Variants in LOC400499 observed in about 807,000 individuals in gnomAD.
the LOC400499 span, among the ~76,000 whole-genome samples, chr16:11,438,630 A>AAAG: frequency 7.0e-6 from 1 of 143,134 alleles, no homozygotes; most frequent in African/African-American, 2.5e-5. Flanking sequence ...AAAAAAAAAA[A>AAAG]GTACAAAAAT....
chr16:11,495,037 C>T, the LOC400499 span, among the ~76,000 whole-genome samples: 2 of 152,040 alleles, frequency 1.3e-5, no homozygotes, highest in Non-Finnish European at 2.9e-5. Flanking sequence ...GGCAAAACCC[C>T]GTCTCTACTA....
At chr16:11,481,417 G>A in the LOC400499 span, among the ~76,000 whole-genome samples, 1 of 152,152 alleles carries the variant, frequency 6.6e-6, no homozygotes, top group South Asian at 2.1e-4. Context: ...CTGCCTCTTG[G>A]GTTAAAGCGA....
chr16:11,412,594 T>G, the LOC400499 span, among the ~76,000 whole-genome samples: 1 of 152,220 alleles, frequency 6.6e-6, no homozygotes, highest in Non-Finnish European at 1.5e-5. Context: ...AATAAGTGTT[T>G]GGGGCCTTGG....
At chr16:11,466,804 T>A in the LOC400499 span, among the ~76,000 whole-genome samples, 10 of 152,342 alleles carry the variant, frequency 6.6e-5, no homozygotes, top group African/African-American at 2.4e-4. Context: ...TATTTAATTG[T>A]AGAATTTAAT....
chr16:11,478,639 C>G, the LOC400499 span: 2 of 399,080 alleles, frequency 5.0e-6, no homozygotes, highest in Admixed American at 4.4e-5. Flanking sequence ...CAACTTCACG[C>G]TCAGCTCGCA....
chr16:11,437,959 C>T, the LOC400499 span, among the ~76,000 whole-genome samples: 4 of 151,884 alleles, frequency 2.6e-5, no homozygotes, highest in Admixed American at 1.3e-4. Context: ...CCGATGAGTT[C>T]GGGGGATCGA....
chr16:11,455,359 T>A, the LOC400499 span, among the ~76,000 whole-genome samples: 1 of 152,192 alleles, frequency 6.6e-6, no homozygotes, highest in African/African-American at 2.4e-5. Context: ...AATAACAGCA[T>A]GATTATATTA....
the LOC400499 span, chr16:11,521,929 C>T: frequency 2.5e-6 from 1 of 399,046 alleles, no homozygotes; most frequent in Admixed American, 4.4e-5. Context: ...AACGTGATCT[C>T]CCGGTTGCCC....
chr16:11,407,219 A>C, the LOC400499 span: 1 of 398,860 alleles, frequency 2.5e-6, no homozygotes, highest in African/African-American at 2.1e-5. Flanking sequence ...GGTCTGTTCC[A>C]GTTTGATGAA....
the LOC400499 span, among the ~76,000 whole-genome samples, chr16:11,388,758 C>A: frequency 6.6e-6 from 1 of 152,244 alleles, no homozygotes. Context: ...GTCACATCCA[C>A]TCTCCCTTGC....
chr16:11,454,754 A>C, the LOC400499 span, among the ~76,000 whole-genome samples: 1 of 152,128 alleles, frequency 6.6e-6, no homozygotes, highest in Non-Finnish European at 1.5e-5. Context: ...AAATGAATAC[A>C]CCTCCAATGT....
At chr16:11,466,458 G>A in the LOC400499 span, among the ~76,000 whole-genome samples, 1 of 151,922 alleles carries the variant, frequency 6.6e-6, no homozygotes, top group African/African-American at 2.4e-5. Flanking sequence ...CGTGATCTTG[G>A]TTCACTGCAA....
the LOC400499 span, among the ~76,000 whole-genome samples, chr16:11,498,902 G>A: frequency 6.6e-6 from 1 of 150,406 alleles, no homozygotes; most frequent in Non-Finnish European, 1.5e-5. Context: ...GTCCAGACGG[G>A]GAAAATTGAG....
chr16:11,403,945 G>A, the LOC400499 span, among the ~76,000 whole-genome samples: 1 of 152,180 alleles, frequency 6.6e-6, no homozygotes, highest in African/African-American at 2.4e-5. Flanking sequence ...TGCATGACCT[G>A]GGTCCCCCAG....
chr16:11,384,511 G>A, the LOC400499 span, among the ~76,000 whole-genome samples: 1 of 152,194 alleles, frequency 6.6e-6, no homozygotes, highest in East Asian at 1.9e-4. Context: ...ATCAGAGGAG[G>A]AAGAGAAAGC....
At chr16:11,409,617 TAAAAC>T in the LOC400499 span, among the ~76,000 whole-genome samples, 3 of 152,180 alleles carry the variant, frequency 2.0e-5, 1 homozygote, top group East Asian at 5.8e-4. Context: ...ATCCCGGATT[TAAAAC>T]AAAACAAAAC....
chr16:11,405,722 T>A, the LOC400499 span, among the ~76,000 whole-genome samples: 1 of 152,166 alleles, frequency 6.6e-6, no homozygotes, highest in East Asian at 1.9e-4. Flanking sequence ...CTGCCCATTA[T>A]GGGGCTTCCT....
At chr16:11,405,865 G>A in the LOC400499 span, among the ~76,000 whole-genome samples, 2 of 152,114 alleles carry the variant, frequency 1.3e-5, no homozygotes, top group Admixed American at 6.6e-5. Flanking sequence ...CCTCCCTGTG[G>A]CCTGACTGAC....
At chr16:11,450,836 A>G in the LOC400499 span, 5 of 1,521,762 alleles carry the variant, frequency 3.3e-6, no homozygotes, top group Middle Eastern at 1.7e-4. Context: ...AGCAACAAAG[A>G]AGGAGAATCT....
Sources: allele counts gnomAD v4.1 joint callset (sites outside exome capture counted in the v4.1 genomes callset), GRCh38; gene constraint gnomAD v4.1.1; transcripts MANE v1.5.